Variants in FRMD4A observed in about 807,000 individuals in gnomAD.
FRMD4A encodes the protein FERM domain-containing protein 4A.
In FRMD4A, 29 loss-of-function variants were observed where a neutral mutation model predicts 129.1. The observed-to-expected ratio is 0.22, with a 90% confidence interval of 0.17 to 0.31. The LOEUF (loss-of-function observed/expected upper bound fraction) is 0.31, where lower values mean the gene tolerates loss of function less well. Among genes scored for constraint, FRMD4A ranks in the 10% least tolerant of loss-of-function variants. The probability of loss-of-function intolerance (pLI) is 1.00; values close to 1 mark genes in which losing one functional copy is unlikely to be tolerated. For missense variants in FRMD4A, 1,272 were observed against 1,375.8 expected, an observed-to-expected ratio of 0.92 and a Z score of 1.19; for synonymous variants, 634 against 571.6, an observed-to-expected ratio of 1.11 and a Z score of -1.56.
chr10:14,167,538 CA>C (rs59290414), intron 2 of FRMD4A, among the ~76,000 whole-genome samples: 16,332 of 56,828 alleles, frequency 0.29, 354 homozygotes, highest in Admixed American at 0.33. Context: ...CTCCGTCTCT[CA>C]AAAAAAAAAA....
chr10:14,110,012 T>G, intron 2 of FRMD4A, among the ~76,000 whole-genome samples: 1 of 142,032 alleles, frequency 7.0e-6, no homozygotes. Context: ...GTAAAAAAGG[T>G]TTTCAACTCG....
At chr10:14,135,005 T>A (rs1454207560) in intron 2 of FRMD4A, among the ~76,000 whole-genome samples, 1 of 152,238 alleles carries the variant, frequency 6.6e-6, no homozygotes, top group Admixed American at 6.5e-5. Flanking sequence ...GGACTAATTT[T>A]TTTTGAGGAC....
intron 2 of FRMD4A, among the ~76,000 whole-genome samples, chr10:14,107,311 C>A (rs1335405363): frequency 2.0e-5 from 3 of 152,090 alleles, no homozygotes; most frequent in Admixed American, 2.0e-4. Flanking sequence ...ACACAATATA[C>A]CTGTGTAACA....
At position 13,831,132 on chromosome 10, in the gene FRMD4A, G is replaced by T. The variant is rs543116522; in HGVS notation, c.112-20224C>A. On this transcript the variant is annotated intron_variant, in intron 3 of 24. Transcript: ENST00000357447. ...ATCACTCCAGACCTGACACTTCTTA[G>T]CTAGACAAAGAGGCACACACACACA... 2.2e-4 allele frequency among the ~76,000 whole-genome samples: 33 copies of T among 152,266 alleles called. No homozygotes were observed. The South Asian group carries it at 4.4e-3, about 20-fold the overall frequency.
At chr10:14,316,331 G>A (rs1431861260) in intron 2 of FRMD4A, among the ~76,000 whole-genome samples, 1 of 152,060 alleles carries the variant, frequency 6.6e-6, no homozygotes, top group Non-Finnish European at 1.5e-5. Flanking sequence ...AAAAGGGTGA[G>A]TTCAGCCCCC....
intron 2 of FRMD4A, among the ~76,000 whole-genome samples, chr10:14,227,109 G>C (rs1162101038): frequency 6.6e-6 from 1 of 152,058 alleles, no homozygotes; most frequent in Admixed American, 6.5e-5. Context: ...ATTCCCTGAA[G>C]GTGCCAAGCT....
chr10:13,945,719 G>C (rs1588470989), intron 2 of FRMD4A, among the ~76,000 whole-genome samples: 1 of 152,246 alleles, frequency 6.6e-6, no homozygotes, highest in East Asian at 1.9e-4. Context: ...ATTTAATAAA[G>C]CTCACTTGAT....
At position 14,253,296 on chromosome 10, in the gene FRMD4A, G is replaced by A. The variant is rs146646465; in HGVS notation, c.45+76762C>T. On this transcript the variant is annotated intron_variant, in intron 2 of 24. Coordinates refer to ENST00000357447, the MANE Select transcript of FRMD4A (RefSeq NM_018027.5). Reference sequence around the variant, plus strand: ...ACAGTGAGAAACTCCAAGATAAATAGTGAATTCCTCTCCTATGAATTTAAG... The same window carrying A: ...ACAGTGAGAAACTCCAAGATAAATAATGAATTCCTCTCCTATGAATTTAAG... Among the ~76,000 whole-genome samples, 995 of 152,302 alleles carry A rather than the reference G, an allele frequency of 6.5e-3. 9 individuals are homozygous for A. Among genetic ancestry groups the A allele is most frequent in the Middle Eastern group, 0.024 (7 of 294 alleles).
At chr10:14,273,887 G>A (rs1304850952) in intron 2 of FRMD4A, among the ~76,000 whole-genome samples, 1 of 152,096 alleles carries the variant, frequency 6.6e-6, no homozygotes, top group Non-Finnish European at 1.5e-5. Flanking sequence ...ACTAGTGCAG[G>A]GCACTGTGCT....
At chr10:13,935,485 A>G (rs1371848325) in intron 2 of FRMD4A, among the ~76,000 whole-genome samples, 1 of 150,990 alleles carries the variant, frequency 6.6e-6, no homozygotes, top group African/African-American at 2.4e-5. Flanking sequence ...AGTTGTTACC[A>G]AATGATCAAC....
At chr10:14,131,064 A>C (rs1007121414) in intron 2 of FRMD4A, among the ~76,000 whole-genome samples, 7 of 152,218 alleles carry the variant, frequency 4.6e-5, no homozygotes, top group African/African-American at 1.7e-4. Flanking sequence ...TGGAATTCCC[A>C]GGTAACACCT....
intron 2 of FRMD4A, among the ~76,000 whole-genome samples, chr10:13,893,518 A>G (rs2094724021): frequency 2.0e-5 from 3 of 151,878 alleles, no homozygotes; most frequent in South Asian, 4.2e-4. Flanking sequence ...GTTCAGACCT[A>G]CAACATTTTT....
intron 2 of FRMD4A, among the ~76,000 whole-genome samples, chr10:14,001,709 G>A (rs2095643412): frequency 6.6e-6 from 1 of 152,212 alleles, no homozygotes; most frequent in South Asian, 2.1e-4. Context: ...ATGAACCAGA[G>A]AATTGGAGTC....
intron 3 of FRMD4A, among the ~76,000 whole-genome samples, chr10:13,842,365 C>G (rs558860041): frequency 6.6e-6 from 1 of 152,196 alleles, no homozygotes; most frequent in South Asian, 2.1e-4. Flanking sequence ...GCCATTCATT[C>G]GTGCATGAGC....
At chr10:13,916,061 A>G (rs532291673) in intron 2 of FRMD4A, among the ~76,000 whole-genome samples, 1 of 152,368 alleles carries the variant, frequency 6.6e-6, no homozygotes, top group South Asian at 2.1e-4. Flanking sequence ...ATGATCTGCA[A>G]TGGCACTGAC....
chr10:14,091,215 A>G (rs1422612820), intron 2 of FRMD4A, among the ~76,000 whole-genome samples: 2 of 152,168 alleles, frequency 1.3e-5, no homozygotes, highest in African/African-American at 4.8e-5. Flanking sequence ...TAAAAGCACA[A>G]TAAAAAGCAA....
intron 2 of FRMD4A, among the ~76,000 whole-genome samples, chr10:14,220,199 C>T (rs1047175553): frequency 7.2e-5 from 11 of 152,208 alleles, no homozygotes; most frequent in African/African-American, 2.7e-4. Context: ...AACATATCAT[C>T]GTACTCAAAG....
chr10:14,203,983 C>G (rs1842710905), intron 2 of FRMD4A, among the ~76,000 whole-genome samples: 1 of 152,226 alleles, frequency 6.6e-6, no homozygotes, highest in African/African-American at 2.4e-5. Context: ...AGGAACATCT[C>G]TGAAGGGCTT....
intron 2 of FRMD4A, among the ~76,000 whole-genome samples, chr10:14,240,056 C>T (rs1218188719): frequency 1.3e-5 from 2 of 152,146 alleles, no homozygotes; most frequent in African/African-American, 4.8e-5. Context: ...TGCATGCTCA[C>T]CTGGGCCGCC....
Sources: gnomAD v4.1 joint callset for allele counts (sites outside exome capture counted in the v4.1 genomes callset) on GRCh38, gnomAD v4.1.1 for gene constraint, MANE v1.5 for transcripts, NCBI Gene and HGNC (gene_info 2026-07-23, HGNC 2026-07-21) for gene names.